The following HAS3 variants were observed in gnomAD, a reference collection of about 807,000 sequenced individuals.
HAS3 encodes the protein HA synthase 3.
Under a neutral mutation model 50.3 loss-of-function variants are expected in HAS3, and 27 were observed. The ratio of observed to expected loss-of-function variants is 0.54; its 90% CI spans 0.40 to 0.74. The LOEUF (loss-of-function observed/expected upper bound fraction) is 0.74. HAS3 is among the 30% of genes least tolerant of loss of function. HAS3 has a pLI of 0.00. For synonymous variants in HAS3, 339 were observed against 310.9 expected (o/e 1.09, Z -0.95); for missense variants, 517 against 742.8 (o/e 0.70, Z 3.53).
chr16:69,118,304 C>T (rs780981876), downstream of HAS3: 17 of 1,155,514 alleles, frequency 1.5e-5, no homozygotes, highest in East Asian at 7.0e-5. Context: ...AAACTGCATT[C>T]GGTGGGTCTT....
the HAS3 span, among the ~76,000 whole-genome samples, chr16:69,095,885 AAAG>A: frequency 1.1e-4 from 16 of 152,204 alleles, no homozygotes; most frequent in Non-Finnish European, 2.1e-4. Context: ...TTTCATCAAG[AAAG>A]AAGACAAAGC....
chr16:69,091,696 A>C, the HAS3 span, among the ~76,000 whole-genome samples: 1 of 152,214 alleles, frequency 6.6e-6, no homozygotes, highest in African/African-American at 2.4e-5. Flanking sequence ...ACCCACCAGC[A>C]GCCGTGTCCC....
chr16:69,110,814 GA>G (rs1238985224), intron 2 of HAS3, among the ~76,000 whole-genome samples: 2 of 152,252 alleles, frequency 1.3e-5, no homozygotes, highest in East Asian at 3.9e-4. Flanking sequence ...CTCTTCATAA[GA>G]AAGCGTGGTG....
At chr16:69,086,615 A>G in the HAS3 span, among the ~76,000 whole-genome samples, 1 of 152,006 alleles carries the variant, frequency 6.6e-6, no homozygotes, top group African/African-American at 2.4e-5. Context: ...TAATAAAAGC[A>G]CAAAAACGGC....
At chr16:69,088,536 A>T in the HAS3 span, among the ~76,000 whole-genome samples, 1 of 147,944 alleles carries the variant, frequency 6.8e-6, no homozygotes, top group African/African-American at 2.5e-5. Flanking sequence ...TCCAGCCTGG[A>T]TGAAGAGCAA....
At chr16:69,099,863 A>G in the HAS3 span, among the ~76,000 whole-genome samples, 1 of 152,116 alleles carries the variant, frequency 6.6e-6, no homozygotes, top group African/African-American at 2.4e-5. Flanking sequence ...AGAGAAAAGA[A>G]AGATGGCTGG....
chr16:69,104,992 GTTTTTTTTT>G (rs565397720), upstream of HAS3, among the ~76,000 whole-genome samples: 12 of 81,980 alleles, frequency 1.5e-4, no homozygotes, highest in South Asian at 5.9e-3. Flanking sequence ...CTGTTTTTTG[GTTTTTTTTT>G]TTTTTTTTTT....
chr16:69,083,681 G>A, the HAS3 span: 4 of 1,549,158 alleles, frequency 2.6e-6, no homozygotes, highest in Non-Finnish European at 3.5e-6. Flanking sequence ...CAAGGACGTG[G>A]AGGAGGCAGG....
In HAS3 at chr16:69,109,613, C is replaced by T. The variant is rs773413649; in HGVS notation, c.218C>T (p.Ala73Val). The change falls in exon 2 of 4, where the codon GCC becomes GTC. Residue 73 changes from alanine (A) to valine (V), a missense_variant. Physicochemically the swap from Ala to Val is moderately conservative, Grantham distance 64. Transcript: ENST00000569188. The surrounding 1 kb of genome is among the most constrained non-coding windows in gnomAD (Gnocchi z 5.3). Reference sequence around the variant, plus strand: ...CTGGAGCACCGGCGCATGCGACGTGCCGGCCAGGCCCTGAAGCTGCCCTCC... The same window carrying T: ...CTGGAGCACCGGCGCATGCGACGTGTCGGCCAGGCCCTGAAGCTGCCCTCC... ...AFLEHRRMRR[A>V]GQALKLPSPR... 1.9e-6 allele frequency: 3 copies of T among 1,611,784 alleles called. No homozygotes were observed. The highest frequency in any genetic ancestry group is 2.5e-6 in the Non-Finnish European group (3 of 1,179,732).
Position 69,107,521 on chromosome 16 carries a change from C to T in HAS3, c.-1+1734C>T, listed in dbSNP as rs1246057234. The T allele has an allele frequency of 4.1e-6, 4 of 984,066 alleles. No individual in the cohort carries two copies. The highest frequency in any genetic ancestry group is 4.8e-6 in the Non-Finnish European group (4 of 828,752). The allele number at this position is 984,066 out of a possible 1,614,324, so 61.0% of individuals were successfully genotyped here. On this transcript the variant is annotated intron_variant, in intron 1 of 3. Coordinates refer to ENST00000569188, the MANE Select transcript of HAS3 (RefSeq NM_001199280.2). The surrounding 1 kb of genome is among the most constrained non-coding windows in gnomAD (Gnocchi z 5.5). ...CCTTTGCCAAGAGGCGAGGCTCGAGCGGGGATGAGAAGCGTGGCGAGTGCG... is the reference window on the plus strand; with the variant it reads ...CCTTTGCCAAGAGGCGAGGCTCGAGTGGGGATGAGAAGCGTGGCGAGTGCG...
chr16:69,085,308 T>TTAGTCTAAGACACTATC, the HAS3 span: 1 of 152,496 alleles, frequency 6.6e-6, no homozygotes, highest in Middle Eastern at 3.4e-3. Context: ...ACCACCTTGA[T>TTAGTCTAAGACACTATC]TAGTCTAAGA....
At chr16:69,092,227 C>G in the HAS3 span, among the ~76,000 whole-genome samples, 1 of 152,166 alleles carries the variant, frequency 6.6e-6, no homozygotes, top group Non-Finnish European at 1.5e-5. Context: ...AAAGGCTGTG[C>G]TTTTTCCCAC....
chr16:69,094,667 C>G, the HAS3 span, among the ~76,000 whole-genome samples: 1 of 152,312 alleles, frequency 6.6e-6, no homozygotes, highest in Admixed American at 6.5e-5. Context: ...GGGAAATCCC[C>G]ACAGTGCAGA....
the HAS3 span, among the ~76,000 whole-genome samples, chr16:69,093,950 T>C: frequency 1.3e-5 from 2 of 152,150 alleles, no homozygotes; most frequent in Non-Finnish European, 2.9e-5. Flanking sequence ...ATGGCCCTCT[T>C]TGAAGAAGGG....
chr16:69,108,893 C>T (rs906215404), intron 1 of HAS3, among the ~76,000 whole-genome samples: 1 of 152,216 alleles, frequency 6.6e-6, no homozygotes, highest in African/African-American at 2.4e-5. Context: ...CTGCACTTTA[C>T]TGGTGAATAT....
At chr16:69,105,059 G>T (rs1482956661), upstream of HAS3, among the ~76,000 whole-genome samples, 30 of 127,190 alleles carry the variant, frequency 2.4e-4, no homozygotes, top group African/African-American at 8.7e-4. Flanking sequence ...CCAAGCTGGA[G>T]TGCAGTGGTG....
At chr16:69,090,025 C>A in the HAS3 span, among the ~76,000 whole-genome samples, 6 of 152,200 alleles carry the variant, frequency 3.9e-5, no homozygotes, top group South Asian at 1.2e-3. Flanking sequence ...TGCTGGGTCG[C>A]AGCCAGGAGC....
chr16:69,104,589 C>T (rs373397213), upstream of HAS3, among the ~76,000 whole-genome samples: 11 of 152,298 alleles, frequency 7.2e-5, no homozygotes, highest in African/African-American at 2.4e-4. Context: ...AGCCTGCACC[C>T]GGCCCTGGCT....
chr16:69,114,874 G>A lies in HAS3; in HGVS notation c.1270G>A (p.Ala424Thr). ...GGTGCAGCTGGTGGGCATTATCAAG[G>A]CCACCTACGCCTGCTTCCTTCGGGG... ...LTVQLVGIIKATYACFLRGNA... is the reference protein window; with the variant it reads ...LTVQLVGIIKTTYACFLRGNA... Residue 424 changes from alanine to threonine, a missense_variant, in exon 4 of 4, where the codon GCC becomes ACC. Ala to Thr is a moderately conservative substitution (Grantham distance 58). Transcript: ENST00000569188. This position sits in a 1 kb window ranked among gnomAD's most constrained non-coding sequence, Gnocchi z 6.4. 1 of 1,614,050 alleles carries A rather than the reference G, an allele frequency of 6.2e-7. No homozygotes were observed.
Sources: gnomAD v4.1 joint callset for allele counts (sites outside exome capture counted in the v4.1 genomes callset) on GRCh38, gnomAD v4.1.1 for gene constraint, Gnocchi (gnomAD v3.1) non-coding constraint, MANE v1.5 for transcripts, NCBI Gene and HGNC (gene_info 2026-07-23, HGNC 2026-07-21) for gene names.